Variants in MAML3 observed in about 807,000 individuals in gnomAD.
MAML3 encodes mastermind like transcriptional coactivator 3.
Under a neutral mutation model 101.9 loss-of-function variants are expected in MAML3, and 27 were observed. That is an observed-to-expected ratio of 0.27 (90% CI 0.20 to 0.37). MAML3 has a LOEUF of 0.37. Among genes scored for constraint, MAML3 ranks in the 10% least tolerant of loss-of-function variants. MAML3 has a pLI of 1.00. For synonymous variants in MAML3, 501 were observed against 555.9 expected (o/e 0.90, Z 1.39); for missense variants, 1,316 against 1,444.9 (o/e 0.91, Z 1.45).
At chr4:139,987,664 G>T (rs1734573482) in intron 1 of MAML3, among the ~76,000 whole-genome samples, 1 of 151,986 alleles carries the variant, frequency 6.6e-6, no homozygotes, top group Non-Finnish European at 1.5e-5. Context: ...AGAGCTGTCA[G>T]TACGTGGAGT....
At chr4:139,846,967 T>C (rs1477804087) in intron 2 of MAML3, among the ~76,000 whole-genome samples, 2 of 152,156 alleles carry the variant, frequency 1.3e-5, no homozygotes, top group African/African-American at 4.8e-5. Context: ...TCTTCCCACA[T>C]CATTCAGTAA....
chr4:140,123,092 GT>G (rs58567442), intron 1 of MAML3, among the ~76,000 whole-genome samples: 2,334 of 138,162 alleles, frequency 0.017, 49 homozygotes, highest in African/African-American at 0.055. Flanking sequence ...AAGCTCTGCG[GT>G]TTTTTTTTTT....
chr4:140,035,482 A>G (rs1237994523), intron 1 of MAML3, among the ~76,000 whole-genome samples: 8 of 152,312 alleles, frequency 5.3e-5, no homozygotes, highest in African/African-American at 1.9e-4. Context: ...TCTAGGGAAT[A>G]TATGTAAAAA....
chr4:140,152,559 G>A (rs1729193521), intron 1 of MAML3, among the ~76,000 whole-genome samples: 1 of 151,672 alleles, frequency 6.6e-6, no homozygotes, highest in South Asian at 2.1e-4. Context: ...AGGGAAGGGG[G>A]GAAACTTTTC....
At chr4:139,871,044 T>C (rs762195820) in intron 2 of MAML3, among the ~76,000 whole-genome samples, 5 of 152,238 alleles carry the variant, frequency 3.3e-5, no homozygotes, top group Non-Finnish European at 7.3e-5. Flanking sequence ...ATACATGCAG[T>C]CACACAATAC....
chr4:139,773,824 C>T (rs549080601), intron 2 of MAML3, among the ~76,000 whole-genome samples: 135 of 152,286 alleles, frequency 8.9e-4, no homozygotes, highest in African/African-American at 2.9e-3. Context: ...TTAAACACCT[C>T]GATGGCTTTG....
At chr4:139,778,799 A>G (rs1361499695) in intron 2 of MAML3, among the ~76,000 whole-genome samples, 1 of 152,202 alleles carries the variant, frequency 6.6e-6, no homozygotes, top group South Asian at 2.1e-4. Flanking sequence ...CCTGGCCAAC[A>G]TGGTGAAACC....
At chr4:140,051,425 T>C (rs945240254) in intron 1 of MAML3, among the ~76,000 whole-genome samples, 4 of 151,612 alleles carry the variant, frequency 2.6e-5, no homozygotes, top group African/African-American at 7.3e-5. Flanking sequence ...GGCGTGGTGG[T>C]ACATGCCTGT....
chr4:140,043,843 A>T lies in MAML3; in HGVS notation c.468+109017T>A, dbSNP rs186651858. On this transcript the variant is annotated intron_variant, in intron 1 of 4. Transcript: ENST00000509479. ...ATCAATTTCCCCTCTAGAGAAAATC[A>T]GCGAATATAAATTCATTAGGGTAGT... Among the ~76,000 whole-genome samples, 818 of 152,350 alleles carry T rather than the reference A, an allele frequency of 5.4e-3. 11 individuals are homozygous for T. Among genetic ancestry groups the T allele is most frequent in the African/African-American group, 0.018 (745 of 41,586 alleles).
intron 1 of MAML3, among the ~76,000 whole-genome samples, chr4:140,065,841 C>A (rs768747859): frequency 6.6e-6 from 1 of 152,230 alleles, no homozygotes; most frequent in African/African-American, 2.4e-5. Context: ...ATTCCCAGCA[C>A]CTCCATCAAA....
intron 2 of MAML3, among the ~76,000 whole-genome samples, chr4:139,797,529 G>A (rs1365287538): frequency 6.6e-6 from 1 of 152,144 alleles, no homozygotes; most frequent in Non-Finnish European, 1.5e-5. Flanking sequence ...CTTGGTGGAA[G>A]GGGGTGTTCT....
chr4:139,823,509 T>A (rs980793304), intron 2 of MAML3, among the ~76,000 whole-genome samples: 1 of 152,162 alleles, frequency 6.6e-6, no homozygotes, highest in Non-Finnish European at 1.5e-5. Flanking sequence ...TGTGTCTGCA[T>A]GTGCGTGTTG....
Position 140,097,501 on chromosome 4 carries a change from G to T in MAML3, c.468+55359C>A, listed in dbSNP as rs569929944. ...AGAAGGGAAGGATGAGAGCTACCTG[G>T]TTATTTTTCAAAAAGATGGGGCTTT... On this transcript the variant is annotated intron_variant, in intron 1 of 4. Coordinates refer to ENST00000509479, the MANE Select transcript of MAML3 (RefSeq NM_018717.5). 4.5e-4 allele frequency among the ~76,000 whole-genome samples: 68 copies of T among 152,154 alleles called. 1 individual carries two copies. The South Asian group carries it at 0.013, about 29-fold the overall frequency.
At chr4:139,867,453 G>A (rs1388684837) in intron 2 of MAML3, among the ~76,000 whole-genome samples, 1 of 152,198 alleles carries the variant, frequency 6.6e-6, no homozygotes, top group Non-Finnish European at 1.5e-5. Flanking sequence ...GATAATCAGA[G>A]TTAACATTTG....
At chr4:140,107,181 A>G (rs540495850) in intron 1 of MAML3, among the ~76,000 whole-genome samples, 159 of 152,246 alleles carry the variant, frequency 1.0e-3, no homozygotes, top group African/African-American at 3.7e-3. Flanking sequence ...AAAGAGTGGT[A>G]TTTTTATAGA....
intron 1 of MAML3, among the ~76,000 whole-genome samples, chr4:140,142,906 AG>A (rs1728998880): frequency 6.6e-6 from 1 of 152,162 alleles, no homozygotes; most frequent in African/African-American, 2.4e-5. Flanking sequence ...CCCAAAAACA[AG>A]GGGGGAAAGA....
At chr4:140,151,282 T>C (rs1578711846) in intron 1 of MAML3, among the ~76,000 whole-genome samples, 1 of 141,568 alleles carries the variant, frequency 7.1e-6, no homozygotes, top group Admixed American at 7.0e-5. Flanking sequence ...CGCGCCGACC[T>C]GGGAGGGGAG....
intron 1 of MAML3, among the ~76,000 whole-genome samples, chr4:139,974,359 C>T (rs1734291367): frequency 6.6e-6 from 1 of 152,112 alleles, no homozygotes; most frequent in African/African-American, 2.4e-5. Context: ...CCCGTCTCGG[C>T]CTCCCAAACT....
intron 2 of MAML3, among the ~76,000 whole-genome samples, chr4:139,748,889 C>T (rs12641953): frequency 0.26 from 39,110 of 151,958 alleles, 5,149 homozygotes; most frequent in African/African-American, 0.29. Flanking sequence ...TGCTGGCCTC[C>T]GAAGAGAGCC....
Sources: allele counts gnomAD v4.1 joint callset (sites outside exome capture counted in the v4.1 genomes callset), GRCh38; gene constraint gnomAD v4.1.1; transcripts MANE v1.5; gene names NCBI Gene and HGNC (gene_info 2026-07-23, HGNC 2026-07-21).